The following KCNMB1 variants were observed in gnomAD, a reference collection of about 807,000 sequenced individuals.
KCNMB1 encodes the protein potassium calcium-activated channel subfamily M regulatory beta subunit 1.
In KCNMB1, 22 loss-of-function variants were observed where a neutral mutation model predicts 21.7. The ratio of observed to expected loss-of-function variants is 1.01; its 90% confidence interval spans 0.72 to 1.45. The LOEUF is 1.45. Ranked by LOEUF, KCNMB1 falls within the 40% of genes most tolerant of loss-of-function variation. The pLI is 0.00. For missense variants in KCNMB1, 243 were observed against 243.4 expected (o/e 1.00, Z 0.01); for synonymous variants, 114 against 107.6 (o/e 1.06, Z -0.37).
At chr5:170,382,110 G>T (rs3804241) in intron 3 of KCNMB1, among the ~76,000 whole-genome samples, 7 of 152,170 alleles carry the variant, frequency 4.6e-5, no homozygotes, top group African/African-American at 7.2e-5. Flanking sequence ...GCCACATCTT[G>T]GTCGTGAGTG....
At chr5:170,388,456 A>G (rs767038859) in intron 1 of KCNMB1, among the ~76,000 whole-genome samples, 1 of 152,222 alleles carries the variant, frequency 6.6e-6, no homozygotes. Context: ...GTTAGACTGT[A>G]AGAAGAACTT....
chr5:170,378,686 T>A lies in KCNMB1; in HGVS notation c.*18A>T, dbSNP rs752174051. 12 of 1,589,900 alleles carry A rather than the reference T, an allele frequency of 7.5e-6. No homozygotes were observed. The highest frequency in any genetic ancestry group is 8.6e-6 in the Non-Finnish European group (10 of 1,168,518). On this transcript the variant is annotated 3_prime_UTR_variant, in exon 4 of 4. Transcript: ENST00000274629. ...GTCCCCTGTGCCCTGACAAGTGGTA[T>A]GGCATGGATGGATGGCTCTACTTCT...
At position 170,375,947 on chromosome 5, in the gene KCNMB1, A is replaced by G. The variant is rs1368017285; in HGVS notation, c.*2757T>C. The G allele has an allele frequency of 1.3e-5, 2 of 152,186 alleles. No individual in the cohort carries two copies. The highest frequency in any genetic ancestry group is 4.8e-5 in the African/African-American group (2 of 41,446). 9.4% of individuals were successfully genotyped at this position (152,186 alleles called of 1,614,324 possible). Reference sequence around the variant, plus strand: ...GCACAGCTGGAATTTGAACCCAAACAGTGCACATCCCAAGTCCACATACTT... The same window carrying G: ...GCACAGCTGGAATTTGAACCCAAACGGTGCACATCCCAAGTCCACATACTT... On this transcript the variant is annotated 3_prime_UTR_variant, in exon 4 of 4. Coordinates refer to ENST00000274629, the MANE Select transcript of KCNMB1 (RefSeq NM_004137.4).
In KCNMB1 at chr5:170,383,733, G is replaced by A. The variant is rs1293823989; in HGVS notation, c.252C>T (p.Ala84=). Residue 84 remains alanine (A), a synonymous_variant, in exon 3 of 4, where the codon GCC becomes GCT. Coordinates refer to ENST00000274629, the MANE Select transcript of KCNMB1 (RefSeq NM_004137.4). ...YPCLWVNVSA[A]GRWAVLYHTE... ...TGTGGTACAGCACAGCCCACCTGCCGGCAGCTGACACGTTGACCCACAGGC... is the reference window on the plus strand; with the variant it reads ...TGTGGTACAGCACAGCCCACCTGCCAGCAGCTGACACGTTGACCCACAGGC... 4 of 1,614,122 alleles carry A rather than the reference G, an allele frequency of 2.5e-6. No homozygotes were observed. Among genetic ancestry groups the A allele is most frequent in the Non-Finnish European group, 3.4e-6 (4 of 1,180,016 alleles).
intron 1 of KCNMB1, among the ~76,000 whole-genome samples, chr5:170,385,993 G>A (rs918568189): frequency 1.5e-4 from 23 of 151,820 alleles, no homozygotes; most frequent in African/African-American, 5.1e-4. Flanking sequence ...GGGTGTGGTC[G>A]TGGGAGCCAG....
chr5:170,381,216 G>A (rs563743004), intron 3 of KCNMB1, among the ~76,000 whole-genome samples: 16 of 152,250 alleles, frequency 1.1e-4, no homozygotes, highest in Non-Finnish European at 1.5e-4. Flanking sequence ...CCCAGAAGCC[G>A]GGGCCTGAAT....
intron 1 of KCNMB1, among the ~76,000 whole-genome samples, chr5:170,386,119 C>T (rs314114): frequency 0.092 from 13,445 of 146,632 alleles, 752 homozygotes; most frequent in East Asian, 0.2. Flanking sequence ...AGCAAGACTC[C>T]GTCAAAAAAA....
At chr5:170,381,443 C>T (rs1257114793) in intron 3 of KCNMB1, among the ~76,000 whole-genome samples, 1 of 152,228 alleles carries the variant, frequency 6.6e-6, no homozygotes. Context: ...TGAGAGTCTT[C>T]TTGGCCCTTC....
At chr5:170,379,089 G>A (rs531003493) in intron 3 of KCNMB1, 116 bp from the exon 4 acceptor site, 340 of 1,273,436 alleles carry the variant, frequency 2.7e-4, no homozygotes, top group Non-Finnish European at 3.2e-4. Flanking sequence ...GATTGGAGTC[G>A]GGGCTTTGGT....
Position 170,385,295 on chromosome 5 carries a change from G to A in KCNMB1, c.134+19C>T, listed in dbSNP as rs1764420312. The A allele has an allele frequency of 6.2e-7, 1 of 1,613,846 alleles. No homozygotes were observed. Among genetic ancestry groups the A allele is most frequent in the Non-Finnish European group, 8.5e-7 (1 of 1,179,918 alleles). ...TTAGGAGAGGGTTGGGGGGTGGGCA[G>A]GCCGGGAGAGCTCAGTACCTTTTCT... On this transcript the variant is annotated intron_variant, in intron 2 of 3. Coordinates refer to ENST00000274629, the MANE Select transcript of KCNMB1 (RefSeq NM_004137.4).
chr5:170,376,901 CA>C lies in KCNMB1; in HGVS notation c.*1802del, dbSNP rs1368540903. 6.6e-6 allele frequency: 1 copy of C among 152,052 alleles called. No homozygotes were observed. The highest frequency in any genetic ancestry group is 1.5e-5 in the Non-Finnish European group (1 of 68,000). The allele number at this position is 152,052 out of a possible 1,614,324, so 9.4% of individuals were successfully genotyped here. On this transcript the variant is annotated 3_prime_UTR_variant, in exon 4 of 4. Transcript: ENST00000274629. ...TTAAGAAAAAAACACACACACAAAA[CA>C]AACAAAAAAAACTATAGTTGCCATT...
chr5:170,379,173 G>A (rs528237797), intron 3 of KCNMB1, among the ~76,000 whole-genome samples, 200 bp from the exon 4 acceptor site: 3 of 152,238 alleles, frequency 2.0e-5, no homozygotes, highest in East Asian at 1.9e-4. Context: ...TGTGGATGGC[G>A]GTGCTGGAGC....
In KCNMB1 at chr5:170,376,570, A is replaced by C. The variant is rs1764015325; in HGVS notation, c.*2134T>G. ...GTGTGTTGTTCCCCTCTTTGTGTCC[A>C]TGTGTTTTCATCATTTAGCTCCCAC... On this transcript the variant is annotated 3_prime_UTR_variant, in exon 4 of 4. Transcript: ENST00000274629. 6.6e-6 allele frequency: 1 copy of C among 151,930 alleles called. No individual in the cohort carries two copies. The highest frequency in any genetic ancestry group is 6.5e-5 in the Admixed American group (1 of 15,274). The allele number at this position is 151,930 out of a possible 1,614,324, so 9.4% of individuals were successfully genotyped here.
At chr5:170,383,206 G>A in intron 3 of KCNMB1, 1 of 265,232 alleles carries the variant, frequency 3.8e-6, no homozygotes. Flanking sequence ...CTCCAGCCCT[G>A]AGTCCCTGGT....
chr5:170,380,160 C>G (rs1281301525), intron 3 of KCNMB1, among the ~76,000 whole-genome samples: 1 of 152,184 alleles, frequency 6.6e-6, no homozygotes, highest in East Asian at 1.9e-4. Context: ...TAGGAACTTT[C>G]TGCCCTGTTC....
At chr5:170,384,146 C>T (rs979199416) in intron 2 of KCNMB1, among the ~76,000 whole-genome samples, 2 of 152,218 alleles carry the variant, frequency 1.3e-5, no homozygotes, top group Admixed American at 6.5e-5. Context: ...AAGCTACACC[C>T]CAGAGCAAGT....
chr5:170,387,496 C>T (rs1469144803), intron 1 of KCNMB1, among the ~76,000 whole-genome samples: 2 of 152,208 alleles, frequency 1.3e-5, no homozygotes, highest in Non-Finnish European at 2.9e-5. Context: ...ATCACACCTT[C>T]CCAGTGAGCT....
chr5:170,383,790 C>T lies in KCNMB1; in HGVS notation c.195G>A (p.Glu65=). 1.2e-6 allele frequency: 2 copies of T among 1,614,110 alleles called. No homozygotes were observed. Among genetic ancestry groups the T allele is most frequent in the South Asian group, 1.1e-5 (1 of 91,070 alleles). Residue 65 remains glutamate (E), a synonymous_variant, in exon 3 of 4, where the codon GAG becomes GAA. Transcript: ENST00000274629. ...LIETNIRDQE[E]LKGKKVPQYP... ...ACTGGGGCACCTTCTTGCCCTTCAG[C>T]TCCTCCTGGTCCCTGATGTTGGTCT...
chr5:170,380,456 G>A (rs538274185), intron 3 of KCNMB1, among the ~76,000 whole-genome samples: 3 of 152,176 alleles, frequency 2.0e-5, no homozygotes, highest in Non-Finnish European at 4.4e-5. Context: ...TGCAGGCCTC[G>A]GCCACTCCCT....
Sources: allele counts gnomAD v4.1 joint callset (sites outside exome capture counted in the v4.1 genomes callset), GRCh38; gene constraint gnomAD v4.1.1; transcripts MANE v1.5; gene names NCBI Gene and HGNC (gene_info 2026-07-23, HGNC 2026-07-21).